Variants in ATXN8OS observed in about 807,000 individuals in gnomAD.
ATXN8OS encodes the protein ATXN8 opposite strand lncRNA, also known as ATXN8 opposite strand (non-protein coding).
At chr13:70,155,677 C>T (rs989340661) in intron 4 of ATXN8OS, among the ~76,000 whole-genome samples, 2 of 152,058 alleles carry the variant, frequency 1.3e-5, no homozygotes, top group Admixed American at 1.3e-4. Context: ...TTCATGCAAA[C>T]CAAAGATAGC....
chr13:70,150,846 A>G (rs1313153691), intron 4 of ATXN8OS, among the ~76,000 whole-genome samples: 1 of 152,122 alleles, frequency 6.6e-6, no homozygotes, highest in African/African-American at 2.4e-5. Context: ...TGTCATATTC[A>G]TTTTATTTAA....
chr13:70,135,205 A>C (rs754287829), intron 3 of ATXN8OS, among the ~76,000 whole-genome samples: 11 of 152,302 alleles, frequency 7.2e-5, no homozygotes, highest in Middle Eastern at 6.8e-3. Context: ...ACTTCACTGC[A>C]GTCACAAGGT....
intron 3 of ATXN8OS, chr13:70,131,684 A>G (rs1888535334): frequency 2.5e-6 from 1 of 394,724 alleles, no homozygotes; most frequent in African/African-American, 2.1e-5. Context: ...CCCAGACTAG[A>G]TCATTTTCCC....
intron 4 of ATXN8OS, among the ~76,000 whole-genome samples, chr13:70,168,138 T>A (rs574989561): frequency 1.8e-4 from 28 of 152,222 alleles, no homozygotes; most frequent in African/African-American, 6.0e-4. Context: ...TTTGCATGAT[T>A]GAACTGATTA....
upstream of ATXN8OS, chr13:70,107,610 GCC>G: frequency 6.3e-7 from 1 of 1,590,884 alleles, no homozygotes; most frequent in Non-Finnish European, 8.6e-7. Context: ...CCGCCGGGCC[GCC>G]GGTGGAAGGA....
At chr13:70,108,009 G>A in exon 1 of ATXN8OS, 1 of 444,626 alleles carries the variant, frequency 2.2e-6, no homozygotes, top group Middle Eastern at 5.9e-4. Context: ...AGAGCCCCGT[G>A]TTATGGCGAG....
At chr13:70,111,136 C>T (rs1403216508) in intron 1 of ATXN8OS, among the ~76,000 whole-genome samples, 1 of 152,146 alleles carries the variant, frequency 6.6e-6, no homozygotes. Context: ...CAAGTATTTA[C>T]TGTAATACAC....
At chr13:70,161,458 A>G (rs1889008020) in intron 4 of ATXN8OS, among the ~76,000 whole-genome samples, 1 of 152,044 alleles carries the variant, frequency 6.6e-6, no homozygotes, top group African/African-American at 2.4e-5. Flanking sequence ...TCTCCTAGGC[A>G]ATCTATATGA....
In ATXN8OS at chr13:70,139,380, A is replaced by ACTGCTGCTGCTGCTGCTG. The variant is rs752810956; in HGVS notation, n.500-7973_500-7972insGCTGCTGCTGCTGCTGCT. The ACTGCTGCTGCTGCTGCTG allele has an allele frequency of 2.6e-3, 1,476 of 576,530 alleles. 4 individuals carry two copies. The highest frequency in any genetic ancestry group is 6.9e-3 in the East Asian group (221 of 32,172). The allele number at this position is 576,530 out of a possible 1,614,324, so 35.7% of individuals were successfully genotyped here. On this transcript the variant is annotated intron_variant and non_coding_transcript_variant, in intron 3 of 4. Transcript: ENST00000678624. Reference sequence around the variant, plus strand: ...TACTACTACTACTACTACTACTACTACTACTGCTGCTGCTGCTGCTGCTGC... The same window carrying ACTGCTGCTGCTGCTGCTG: ...TACTACTACTACTACTACTACTACTACTGCTGCTGCTGCTGCTGCTACTGCTGCTGCTGCTGCTGCTGC...
chr13:70,123,249 G>A (rs144250113), intron 2 of ATXN8OS, among the ~76,000 whole-genome samples: 2 of 152,136 alleles, frequency 1.3e-5, no homozygotes, highest in African/African-American at 4.8e-5. Context: ...ACTAATTGAA[G>A]TTGATGTCAA....
At chr13:70,107,690 A>G, upstream of ATXN8OS, 1 of 1,525,972 alleles carries the variant, frequency 6.6e-7, no homozygotes, top group Non-Finnish European at 8.8e-7. Flanking sequence ...TTTCGCCCAG[A>G]GCCTGACATG....
At chr13:70,120,288 A>G (rs1888339676) in intron 2 of ATXN8OS, among the ~76,000 whole-genome samples, 1 of 152,212 alleles carries the variant, frequency 6.6e-6, no homozygotes, top group Non-Finnish European at 1.5e-5. Flanking sequence ...TGATGTCAAA[A>G]AGATTCAGGA....
intron 4 of ATXN8OS, among the ~76,000 whole-genome samples, chr13:70,161,218 G>A (rs899790864): frequency 2.6e-5 from 4 of 151,350 alleles, no homozygotes; most frequent in Non-Finnish European, 5.9e-5. Flanking sequence ...TTCCCATATA[G>A]CATCATTTAA....
chr13:70,148,437 G>A (rs1030419881), intron 4 of ATXN8OS, among the ~76,000 whole-genome samples: 1 of 151,884 alleles, frequency 6.6e-6, no homozygotes, highest in Non-Finnish European at 1.5e-5. Flanking sequence ...GTTCAGTTTT[G>A]TTGAAACTCC....
Position 70,139,383 on chromosome 13 carries a change from ACTGCTGCTGCTG to A in ATXN8OS, n.500-7937_500-7926del, listed in dbSNP as rs193922930. 268 of 458,136 alleles carry A rather than the reference ACTGCTGCTGCTG, an allele frequency of 5.8e-4. 2 individuals carry two copies. The highest frequency in any genetic ancestry group is 4.0e-3 in the African/African-American group (129 of 32,236). 28.4% of individuals were successfully genotyped at this position (458,136 alleles called of 1,614,324 possible). On this transcript the variant is annotated intron_variant and non_coding_transcript_variant, in intron 3 of 4. Transcript: ENST00000678624. ...TACTACTACTACTACTACTACTACT[ACTGCTGCTGCTG>A]CTGCTGCTGCTGCTGCTGCTGCTGC...
At chr13:70,164,523 G>A (rs979094557) in intron 4 of ATXN8OS, among the ~76,000 whole-genome samples, 7 of 151,916 alleles carry the variant, frequency 4.6e-5, no homozygotes, top group African/African-American at 1.7e-4. Flanking sequence ...ACAAATATAA[G>A]GCAGGATAGA....
chr13:70,155,814 GA>G (rs886863116), intron 4 of ATXN8OS, among the ~76,000 whole-genome samples: 8 of 143,442 alleles, frequency 5.6e-5, no homozygotes, highest in East Asian at 2.0e-4. Flanking sequence ...AAAATGAAAA[GA>G]AAAAAAGGAT....
intron 2 of ATXN8OS, among the ~76,000 whole-genome samples, chr13:70,121,377 G>C (rs1436538291): frequency 1.3e-5 from 2 of 152,056 alleles, no homozygotes; most frequent in Non-Finnish European, 1.5e-5. Flanking sequence ...ATAGCATAGA[G>C]TTTGATTTTA....
intron 1 of ATXN8OS, among the ~76,000 whole-genome samples, chr13:70,109,077 G>T (rs1305411815): frequency 6.6e-6 from 1 of 152,206 alleles, no homozygotes; most frequent in Non-Finnish European, 1.5e-5. Flanking sequence ...TGATAAAAGA[G>T]AATTTCAAGG....
Sources: allele counts gnomAD v4.1 joint callset (sites outside exome capture counted in the v4.1 genomes callset), GRCh38; gene constraint gnomAD v4.1.1; transcripts MANE v1.5; gene names NCBI Gene and HGNC (gene_info 2026-07-23, HGNC 2026-07-21).